Variants in PHACTR4 observed in about 807,000 individuals in gnomAD.
The protein encoded by PHACTR4 is phosphatase and actin regulator 4, also known as protein phosphatase 1, regulatory subunit 124.
In PHACTR4, 51 loss-of-function variants were observed where a neutral mutation model predicts 72.7. That is an observed-to-expected ratio of 0.70 (90% CI 0.56 to 0.89). The LOEUF is 0.89. Among genes scored for constraint, PHACTR4 ranks in the 40% least tolerant of loss-of-function variants. PHACTR4 has a pLI of 0.00. For missense variants in PHACTR4, 731 were observed against 861.8 expected (o/e 0.85, Z 1.90); for synonymous variants, 255 against 302.5 (o/e 0.84, Z 1.63).
chr1:28,396,518 G>A (rs1005660286), intron 1 of PHACTR4, among the ~76,000 whole-genome samples: 6 of 151,020 alleles, frequency 4.0e-5, no homozygotes, highest in East Asian at 3.9e-4. Flanking sequence ...GTGACAAAGC[G>A]AAACTCTGTC....
intron 2 of PHACTR4, among the ~76,000 whole-genome samples, chr1:28,410,499 T>G (rs1006632356): frequency 6.6e-6 from 1 of 152,140 alleles, no homozygotes; most frequent in Non-Finnish European, 1.5e-5. Context: ...ATCTTATCAA[T>G]CAAATTTATT....
At chr1:28,464,402 T>G (rs1659010329) in intron 4 of PHACTR4, among the ~76,000 whole-genome samples, 1 of 152,172 alleles carries the variant, frequency 6.6e-6, no homozygotes, top group African/African-American at 2.4e-5. Context: ...TTCAGTGTGG[T>G]AGGCTCCTAC....
At chr1:28,455,185 TTTTTCTTTCTTTC>T (rs1256648486) in intron 2 of PHACTR4, among the ~76,000 whole-genome samples, 1 of 125,902 alleles carries the variant, frequency 7.9e-6, no homozygotes, top group African/African-American at 3.8e-5. Context: ...TTTCTTTTTC[TTTTTCTTTCTTTC>T]TTTTTTTTTT....
Position 28,491,685 on chromosome 1 carries a change from C to T in PHACTR4, c.1914C>T (p.Ala638=). 6.2e-7 allele frequency: 1 copy of T among 1,614,056 alleles called. No homozygotes were observed. The highest frequency in any genetic ancestry group is 8.5e-7 in the Non-Finnish European group (1 of 1,179,968). Residue 638 remains alanine (A), a synonymous_variant, in exon 12 of 14, where the codon GCC becomes GCT. Transcript: ENST00000373839. ...SQRPTVAELL[A]RKILRFNEYV... ...GGCCAACTGTCGCTGAACTCCTTGCCAGGAAGATTCTGAGGTTTAATGAAT... is the reference window on the plus strand; with the variant it reads ...GGCCAACTGTCGCTGAACTCCTTGCTAGGAAGATTCTGAGGTTTAATGAAT...
chr1:28,454,147 C>T (rs563706780), intron 2 of PHACTR4, among the ~76,000 whole-genome samples: 58 of 151,794 alleles, frequency 3.8e-4, no homozygotes, highest in African/African-American at 1.2e-3. Context: ...TTGATTGAAC[C>T]CAGAAAGATA....
chr1:28,483,918 C>T (rs1006477544), intron 9 of PHACTR4, among the ~76,000 whole-genome samples: 1 of 151,674 alleles, frequency 6.6e-6, no homozygotes, highest in Admixed American at 6.6e-5. Flanking sequence ...GGATAGGGTG[C>T]AGTGGCTCAT....
chr1:28,396,607 G>T (rs143606403), intron 1 of PHACTR4, among the ~76,000 whole-genome samples: 1 of 151,046 alleles, frequency 6.6e-6, no homozygotes, highest in Non-Finnish European at 1.5e-5. Flanking sequence ...GCATCTGAAG[G>T]TCACTCTAGA....
chr1:28,435,340 C>T (rs570067443), intron 2 of PHACTR4, among the ~76,000 whole-genome samples: 1 of 152,350 alleles, frequency 6.6e-6, no homozygotes, highest in East Asian at 1.9e-4. Context: ...TCATGGCTCA[C>T]TGCAACCTCT....
chr1:28,412,599 T>A (rs1654859451), intron 2 of PHACTR4, among the ~76,000 whole-genome samples: 1 of 152,242 alleles, frequency 6.6e-6, no homozygotes, highest in South Asian at 2.1e-4. Flanking sequence ...TGCCTTGATT[T>A]GTGTTAAGGT....
intron 2 of PHACTR4, among the ~76,000 whole-genome samples, chr1:28,455,449 G>A (rs1367679961): frequency 2.0e-5 from 3 of 151,802 alleles, no homozygotes; most frequent in Non-Finnish European, 4.4e-5. Context: ...TGCCTGCCTC[G>A]GCTTCCCAAA....
At chr1:28,388,906 TA>T (rs1353431553) in intron 1 of PHACTR4, among the ~76,000 whole-genome samples, 1 of 151,956 alleles carries the variant, frequency 6.6e-6, no homozygotes, top group African/African-American at 2.4e-5. Context: ...CCTGAAACTG[TA>T]AAACTACTAG....
chr1:28,488,374 GT>G (rs1660836087), intron 9 of PHACTR4, among the ~76,000 whole-genome samples: 1 of 152,194 alleles, frequency 6.6e-6, no homozygotes, highest in Non-Finnish European at 1.5e-5. Context: ...GCAGGCGCCT[GT>G]AGTCCCAGCT....
chr1:28,493,195 A>G, intron 13 of PHACTR4, 104 bp downstream of exon 13: 1 of 962,308 alleles, frequency 1.0e-6, no homozygotes, highest in Non-Finnish European at 1.6e-6. Flanking sequence ...GAAAACACTC[A>G]GTGTTGATTG....
intron 9 of PHACTR4, among the ~76,000 whole-genome samples, chr1:28,484,508 A>G (rs370044548): frequency 1.3e-5 from 2 of 151,288 alleles, no homozygotes; most frequent in Admixed American, 6.6e-5. Context: ...GTGTATATAT[A>G]TGTGTGTATG....
chr1:28,393,241 C>T (rs915358259), intron 1 of PHACTR4, among the ~76,000 whole-genome samples: 1 of 152,126 alleles, frequency 6.6e-6, no homozygotes, highest in Non-Finnish European at 1.5e-5. Context: ...ACATACTTTA[C>T]CTTCTTAAAT....
In PHACTR4 at chr1:28,498,663, T is replaced by C. The variant is rs751170700; in HGVS notation, c.*2114T>C. On this transcript the variant is annotated 3_prime_UTR_variant, in exon 14 of 14. Coordinates refer to ENST00000373839, the MANE Select transcript of PHACTR4 (RefSeq NM_001048183.3). ...TGTTCAAGAAGTTGTGGCTATTTCA[T>C]AGATTTCTTCTGATTTATTCTGTGG... 2.0e-5 allele frequency: 3 copies of C among 152,178 alleles called. No individual in the cohort carries two copies. The highest frequency in any genetic ancestry group is 3.2e-3 in the Middle Eastern group (1 of 316). 9.4% of individuals were successfully genotyped at this position (152,178 alleles called of 1,614,324 possible).
At chr1:28,420,083 A>G (rs1431794777) in intron 2 of PHACTR4, among the ~76,000 whole-genome samples, 1 of 152,108 alleles carries the variant, frequency 6.6e-6, no homozygotes, top group East Asian at 1.9e-4. Context: ...GTGAGACCCC[A>G]TCTCTACAAA....
intron 1 of PHACTR4, among the ~76,000 whole-genome samples, chr1:28,371,772 A>G (rs927229111): frequency 1.3e-5 from 2 of 151,838 alleles, no homozygotes; most frequent in Non-Finnish European, 2.9e-5. Flanking sequence ...AAAATTTTTA[A>G]AAAAATTTTT....
rs1277570400 is a variant in PHACTR4 at position 28,497,126 on chromosome 1, A to T, written c.*577A>T. The T allele has an allele frequency of 6.6e-6, 1 of 152,324 alleles. No homozygotes were observed. Among genetic ancestry groups the T allele is most frequent in the Admixed American group, 6.5e-5 (1 of 15,276 alleles). The allele number at this position is 152,324 out of a possible 1,614,324, so 9.4% of individuals were successfully genotyped here. The stretch of plus-strand genomic sequence containing the variant: ...CACAGCAATACAGTCCTCTTGAGGC[A>T]CTCAAGCCTGAGAGGAAGCTCAGGA... On this transcript the variant is annotated 3_prime_UTR_variant, in exon 14 of 14. Transcript: ENST00000373839.
Sources: allele counts gnomAD v4.1 joint callset (sites outside exome capture counted in the v4.1 genomes callset), GRCh38; gene constraint gnomAD v4.1.1; transcripts MANE v1.5; gene names NCBI Gene and HGNC (gene_info 2026-07-23, HGNC 2026-07-21).